FRMD4B: variants seen among roughly 807,000 people sequenced by gnomAD.
FRMD4B encodes FERM domain-containing protein 4B.
In FRMD4B, 74 loss-of-function variants were observed where a neutral mutation model predicts 141.5. That is an observed-to-expected ratio of 0.52 (90% CI 0.43 to 0.63). The LOEUF is 0.63. FRMD4B is among the 30% of genes least tolerant of loss of function. FRMD4B has a pLI of 0.00. For synonymous variants in FRMD4B, 506 were observed against 467.9 expected (o/e 1.08, Z -1.05); for missense variants, 1,366 against 1,253.4 (o/e 1.09, Z -1.36).
At chr3:69,492,291 G>A (rs1023236973) in intron 1 of FRMD4B, among the ~76,000 whole-genome samples, 1 of 152,182 alleles carries the variant, frequency 6.6e-6, no homozygotes, top group Non-Finnish European at 1.5e-5. Context: ...TGGTGAACAA[G>A]GGCCAGCGAT....
At chr3:69,496,637 AAGAGAGAGAGAG>A (rs1169584495) in intron 1 of FRMD4B, among the ~76,000 whole-genome samples, 33 of 56,510 alleles carry the variant, frequency 5.8e-4, no homozygotes, top group African/African-American at 1.7e-3. Flanking sequence ...GAGAGAGAGA[AAGAGAGAGAGAG>A]AGAGAGAGAG....
At chr3:69,199,927 CT>C (rs1178407386) in intron 11 of FRMD4B, among the ~76,000 whole-genome samples, 1 of 152,206 alleles carries the variant, frequency 6.6e-6, no homozygotes, top group Non-Finnish European at 1.5e-5. Context: ...GTCCTGTCAA[CT>C]TGGACTTCAT....
chr3:69,284,202 AT>A (rs1194514149), intron 5 of FRMD4B, among the ~76,000 whole-genome samples: 7 of 152,102 alleles, frequency 4.6e-5, no homozygotes. Context: ...AATGAATAGA[AT>A]TTGCAGAACA....
chr3:69,279,700 T>TCTCCTCTTCCC (rs2093635032), intron 5 of FRMD4B, among the ~76,000 whole-genome samples: 1 of 22,822 alleles, frequency 4.4e-5, no homozygotes, highest in African/African-American at 1.2e-4. Flanking sequence ...CCCTCCTCCT[T>TCTCCTCTTCCC]CTCCTCTTCC....
At chr3:69,335,786 G>A (rs1419035706) in intron 1 of FRMD4B, among the ~76,000 whole-genome samples, 3 of 145,850 alleles carry the variant, frequency 2.1e-5, no homozygotes, top group Admixed American at 1.4e-4. Context: ...CCCACACTGC[G>A]ATCTCAGCTC....
chr3:69,310,581 C>G (rs75452691), intron 3 of FRMD4B: 10 of 167,706 alleles, frequency 6.0e-5, no homozygotes, highest in South Asian at 1.5e-4. Context: ...CACACACACA[C>G]AGAGAGAGAG....
At chr3:69,339,153 T>C (rs1369013467) in intron 1 of FRMD4B, among the ~76,000 whole-genome samples, 2 of 152,160 alleles carry the variant, frequency 1.3e-5, no homozygotes, top group Non-Finnish European at 2.9e-5. Context: ...TCTACTCAGT[T>C]TCCTTTCATT....
chr3:69,283,970 C>CAAAAAAAAAAA (rs146536193), intron 5 of FRMD4B, among the ~76,000 whole-genome samples: 7 of 137,744 alleles, frequency 5.1e-5, no homozygotes, highest in Admixed American at 7.3e-5. Flanking sequence ...CAAAACAAAA[C>CAAAAAAAAAAA]AAAACAAAAA....
intron 5 of FRMD4B, among the ~76,000 whole-genome samples, chr3:69,276,925 A>G (rs1311880980): frequency 6.6e-6 from 1 of 152,212 alleles, no homozygotes; most frequent in East Asian, 1.9e-4. Flanking sequence ...AGATTGTGCC[A>G]CTGCACTCCA....
chr3:69,265,029 G>A (rs1205316401), intron 5 of FRMD4B, among the ~76,000 whole-genome samples: 2 of 151,894 alleles, frequency 1.3e-5, no homozygotes. Flanking sequence ...GCAGAGGCAG[G>A]CGGATCATGA....
chr3:69,217,560 T>C (rs1171801235), intron 10 of FRMD4B, among the ~76,000 whole-genome samples: 1 of 152,168 alleles, frequency 6.6e-6, no homozygotes, highest in East Asian at 1.9e-4. Flanking sequence ...AGGCAGAGGT[T>C]GCAGTGAGCT....
At chr3:69,240,045 C>G (rs1352411175) in intron 7 of FRMD4B, among the ~76,000 whole-genome samples, 2 of 151,408 alleles carry the variant, frequency 1.3e-5, no homozygotes, top group Admixed American at 6.6e-5. Flanking sequence ...CAGAGCAAGA[C>G]TCTGTCTCAA....
At chr3:69,185,036 G>A (rs369612833) in intron 19 of FRMD4B, among the ~76,000 whole-genome samples, 1 of 152,264 alleles carries the variant, frequency 6.6e-6, no homozygotes, top group East Asian at 1.9e-4. Context: ...TGGCGCGGTG[G>A]CTCATGCCTG....
At chr3:69,208,537 G>A (rs987116812) in intron 11 of FRMD4B, among the ~76,000 whole-genome samples, 6 of 146,338 alleles carry the variant, frequency 4.1e-5, no homozygotes, top group African/African-American at 1.5e-4. Flanking sequence ...CCTTCCCATC[G>A]GCATACCCTG....
In FRMD4B at chr3:69,302,415, T is replaced by G. The variant is rs746368535; in HGVS notation, c.344A>C (p.Gln115Pro). ...IDDTGQQNWL[Q>P]LDHRVLDHDL... The stretch of plus-strand genomic sequence containing the variant: ...GTGGTCAAGAACTCGGTGATCTAAC[T>G]GCAGCCAGTTCTGCTGACCTCTGTG... Residue 115 changes from glutamine (Q) to proline (P), a missense_variant, in exon 4 of 23, where the codon CAG becomes CCG. Physicochemically the swap from Gln to Pro is moderately conservative, Grantham distance 76. Coordinates refer to ENST00000398540, the MANE Select transcript of FRMD4B (RefSeq NM_015123.3). The G allele has an allele frequency of 1.9e-6, 3 of 1,601,714 alleles. No homozygotes were observed. The highest frequency in any genetic ancestry group is 2.6e-6 in the Non-Finnish European group (3 of 1,171,602).
intron 1 of FRMD4B, among the ~76,000 whole-genome samples, chr3:69,343,753 T>C (rs1166230419): frequency 6.6e-6 from 1 of 151,676 alleles, no homozygotes; most frequent in African/African-American, 2.4e-5. Flanking sequence ...CTAATTTTTG[T>C]AGTTTTAGTA....
chr3:69,241,888 AAAC>A (rs1415852738), intron 7 of FRMD4B, among the ~76,000 whole-genome samples: 1 of 151,942 alleles, frequency 6.6e-6, no homozygotes, highest in African/African-American at 2.4e-5. Flanking sequence ...AAACAAAACA[AAAC>A]AAAACAAAAA....
intron 7 of FRMD4B, among the ~76,000 whole-genome samples, chr3:69,234,483 C>T (rs1053515245): frequency 1.3e-5 from 2 of 152,176 alleles, no homozygotes; most frequent in African/African-American, 2.4e-5. Context: ...CACTGGCTAG[C>T]TTGCCTTCAA....
At chr3:69,428,234 C>A (rs1705117755) in intron 2 of FRMD4B, among the ~76,000 whole-genome samples, 1 of 151,526 alleles carries the variant, frequency 6.6e-6, no homozygotes, top group African/African-American at 2.4e-5. Context: ...TTGATGACAA[C>A]CAGTTCTGCA....
Sources: gnomAD v4.1 joint callset for allele counts (sites outside exome capture counted in the v4.1 genomes callset) on GRCh38, gnomAD v4.1.1 for gene constraint, MANE v1.5 for transcripts, NCBI Gene and HGNC (gene_info 2026-07-23, HGNC 2026-07-21) for gene names.